CACNA2D3: variants seen among roughly 807,000 people sequenced by gnomAD.
CACNA2D3 encodes calcium voltage-gated channel auxiliary subunit alpha2delta 3, also known as voltage-dependent calcium channel subunit alpha-2/delta-3.
CACNA2D3 carries 60 observed loss-of-function variants against 160.6 expected under a neutral mutation model. That is an observed-to-expected ratio of 0.37 (90% confidence interval 0.30 to 0.46). CACNA2D3 has a LOEUF of 0.46. Ranked by LOEUF, CACNA2D3 falls within the 20% of genes least tolerant of loss-of-function variation. CACNA2D3 has a pLI of 1.00. For synonymous variants in CACNA2D3, 558 were observed against 492.9 expected (o/e 1.13, Z -1.75); for missense variants, 1,205 against 1,365.0 (o/e 0.88, Z 1.85).
At chr3:54,482,911 C>A (rs1402747131) in intron 4 of CACNA2D3, among the ~76,000 whole-genome samples, 2 of 152,192 alleles carry the variant, frequency 1.3e-5, no homozygotes, top group Non-Finnish European at 2.9e-5. Flanking sequence ...TGCTCACAAC[C>A]CATTGGCCAA....
At chr3:54,468,555 G>A (rs755932031) in intron 4 of CACNA2D3, among the ~76,000 whole-genome samples, 33 of 152,224 alleles carry the variant, frequency 2.2e-4, no homozygotes, top group South Asian at 1.2e-3. Flanking sequence ...TCCCCGTGGC[G>A]CCTGGAATGC....
At chr3:54,290,894 C>T (rs974810645) in intron 2 of CACNA2D3, among the ~76,000 whole-genome samples, 12 of 151,002 alleles carry the variant, frequency 7.9e-5, no homozygotes, top group African/African-American at 2.9e-4. Context: ...GAACATTCCA[C>T]ACCGGGGCCT....
chr3:54,725,004 A>G lies in CACNA2D3; in HGVS notation c.1168-27595A>G, dbSNP rs562354149. On this transcript the variant is annotated intron_variant, in intron 11 of 37. Coordinates refer to ENST00000474759, the MANE Select transcript of CACNA2D3 (RefSeq NM_018398.3). Reference sequence around the variant, plus strand: ...CTGGTTTTTAGAAAAGATCAAGAAAATAGATAGACTCCTAGCCAGACTAAT... The same window carrying G: ...CTGGTTTTTAGAAAAGATCAAGAAAGTAGATAGACTCCTAGCCAGACTAAT... Among the ~76,000 whole-genome samples, 136 of 152,216 alleles carry G rather than the reference A, an allele frequency of 8.9e-4. 1 individual carries two copies. The highest frequency in any genetic ancestry group is 3.0e-3 in the African/African-American group (124 of 41,520).
rs200479093 is a variant in CACNA2D3, at chr3:54,323,466, T to TCC, written c.321+2908_321+2909insCC. ...TTTCCTCTCCTCTTTTCTTTTTCTT[T>TCC]TCTTTTTTTTTTTTTTTAAAGACAG... is the stretch of plus-strand genomic sequence containing the variant. On this transcript the variant is annotated intron_variant, in intron 3 of 37. Transcript: ENST00000474759. Among the ~76,000 whole-genome samples the TCC allele has an allele frequency of 3.1e-3, 302 of 96,492 alleles. 1 individual carries two copies. Among genetic ancestry groups the TCC allele is most frequent in the Middle Eastern group, 0.03 (5 of 166 alleles). The allele number at this position is 96,492 out of a possible 152,430, so 63.3% of individuals were successfully genotyped here. A position where few individuals can be genotyped will look rare whatever the true frequency, so the allele number is the denominator to read the frequency against.
chr3:54,289,883 C>T (rs1703140910), intron 2 of CACNA2D3, among the ~76,000 whole-genome samples: 2 of 152,036 alleles, frequency 1.3e-5, no homozygotes, highest in African/African-American at 4.8e-5. Context: ...GGATCCCTTC[C>T]TTACACCTTA....
chr3:54,776,413 G>A (rs1304146127), intron 13 of CACNA2D3, among the ~76,000 whole-genome samples: 2 of 152,136 alleles, frequency 1.3e-5, no homozygotes, highest in Non-Finnish European at 2.9e-5. Flanking sequence ...TCCTCGGAAG[G>A]CTGAGGTGGG....
At chr3:54,746,027 T>C (rs1162811505) in intron 11 of CACNA2D3, among the ~76,000 whole-genome samples, 2 of 152,350 alleles carry the variant, frequency 1.3e-5, no homozygotes, top group South Asian at 2.1e-4. Context: ...GTTGCCTTTC[T>C]CTTCCTTCTG....
At chr3:54,453,738 TC>T (rs759704006) in intron 4 of CACNA2D3, among the ~76,000 whole-genome samples, 67 of 152,266 alleles carry the variant, frequency 4.4e-4, no homozygotes, top group Non-Finnish European at 7.4e-4. Context: ...CATGTGGTTG[TC>T]CCCACCAGTT....
chr3:54,765,359 A>G (rs1702204344), intron 13 of CACNA2D3, among the ~76,000 whole-genome samples: 1 of 152,182 alleles, frequency 6.6e-6, no homozygotes, highest in Admixed American at 6.5e-5. Flanking sequence ...CCCCTTGTCA[A>G]AAAGGGAGAC....
rs576803366 is a variant in CACNA2D3, at chr3:54,415,023, T to C, written c.381+28249T>C. ...TTGCGGTGTTTCAGACGTCAAAAACTTTGTAAAGGGGGCATTTGGGGACAC... is the reference window on the plus strand; with the variant it reads ...TTGCGGTGTTTCAGACGTCAAAAACCTTGTAAAGGGGGCATTTGGGGACAC... On this transcript the variant is annotated intron_variant, in intron 4 of 37. Coordinates refer to ENST00000474759, the MANE Select transcript of CACNA2D3 (RefSeq NM_018398.3). Among the ~76,000 whole-genome samples the C allele has an allele frequency of 2.0e-5, 3 of 152,226 alleles. No homozygotes were observed. In the South Asian group the frequency reaches 6.2e-4, roughly 32 times the overall value.
chr3:54,694,829 A>G (rs1390532321), intron 11 of CACNA2D3, among the ~76,000 whole-genome samples: 1 of 152,190 alleles, frequency 6.6e-6, no homozygotes, highest in Admixed American at 6.5e-5. Context: ...GAGAAATAAT[A>G]GAAAAATATA....
At chr3:54,129,678 A>G (rs749878129) in intron 2 of CACNA2D3, among the ~76,000 whole-genome samples, 2 of 152,248 alleles carry the variant, frequency 1.3e-5, no homozygotes, top group African/African-American at 2.4e-5. Flanking sequence ...ACTGTTATGC[A>G]TGTAAATGAT....
chr3:54,626,583 GCCCATAAA>G, intron 9 of CACNA2D3: 1 of 1,545,550 alleles, frequency 6.5e-7, no homozygotes, highest in South Asian at 1.1e-5. Context: ...TCACCTACAA[GCCCATAAA>G]GCACGGCGGG....
chr3:54,145,599 C>T, intron 2 of CACNA2D3, among the ~76,000 whole-genome samples: 1 of 152,328 alleles, frequency 6.6e-6, no homozygotes, highest in South Asian at 2.1e-4. Flanking sequence ...ATCCCCACAT[C>T]CTGGGGGCTC....
intron 18 of CACNA2D3, among the ~76,000 whole-genome samples, chr3:54,873,656 C>T (rs1699593074): frequency 6.6e-6 from 1 of 152,196 alleles, no homozygotes; most frequent in Non-Finnish European, 1.5e-5. Flanking sequence ...GGACTGCGTT[C>T]TGTCTGTCCA....
intron 11 of CACNA2D3, among the ~76,000 whole-genome samples, chr3:54,657,854 C>T (rs1699902032): frequency 6.6e-6 from 1 of 152,048 alleles, no homozygotes; most frequent in Admixed American, 6.6e-5. Context: ...CATGGTGAAA[C>T]CCCGTCTCTA....
At chr3:54,439,283 A>C (rs966415789) in intron 4 of CACNA2D3, among the ~76,000 whole-genome samples, 2 of 151,268 alleles carry the variant, frequency 1.3e-5, no homozygotes, top group African/African-American at 4.9e-5. Flanking sequence ...AAGGAAACCC[A>C]CTCAAGCTAG....
At position 54,581,811 on chromosome 3, in the gene CACNA2D3, G is replaced by T; in HGVS notation, c.897G>T (p.Glu299Asp). 1 of 1,613,302 alleles carries T rather than the reference G, an allele frequency of 6.2e-7. No homozygotes were observed. The highest frequency in any genetic ancestry group is 8.5e-7 in the Non-Finnish European group (1 of 1,179,568). ...DDFFNIIAYN[E>D]ELHYVEPCLN... ...ACTTTTTTCCTTTGCAGTATAATGA[G>T]GAGCTTCACTATGTGGAACCTTGCC... The change falls in exon 9 of 38, where the codon GAG (glutamate) becomes GAT (aspartate). Residue 299 changes from glutamate (E) to aspartate (D), a missense_variant. Transcript: ENST00000474759.
chr3:54,210,424 T>G (rs892493429), intron 2 of CACNA2D3, among the ~76,000 whole-genome samples: 16 of 151,406 alleles, frequency 1.1e-4, no homozygotes, highest in East Asian at 5.8e-4. Context: ...TGCAAAGTTT[T>G]TGTGTGTGTG....
Sources: gnomAD v4.1 joint callset for allele counts (sites outside exome capture counted in the v4.1 genomes callset) on GRCh38, gnomAD v4.1.1 for gene constraint, MANE v1.5 for transcripts, NCBI Gene and HGNC (gene_info 2026-07-23, HGNC 2026-07-21) for gene names.